Variants in PRKG1 observed in about 807,000 individuals in gnomAD.
PRKG1 encodes the protein protein kinase cGMP-dependent 1, also known as cGMP-dependent protein kinase 1.
Under a neutral mutation model 88.1 loss-of-function variants are expected in PRKG1, and 35 were observed. That is an observed-to-expected ratio of 0.40 (90% CI 0.30 to 0.53). PRKG1 has a LOEUF of 0.53. Among genes scored for constraint, PRKG1 ranks in the 20% least tolerant of loss-of-function variants. The pLI is 0.59. For missense variants in PRKG1, 540 were observed against 839.8 expected, an observed-to-expected ratio of 0.64 and a Z score of 4.41; for synonymous variants, 303 against 292.5, an observed-to-expected ratio of 1.04 and a Z score of -0.37.
At chr10:52,221,612 C>T (rs1020246031) in intron 9 of PRKG1, among the ~76,000 whole-genome samples, 1 of 151,776 alleles carries the variant, frequency 6.6e-6, no homozygotes, top group Admixed American at 6.6e-5. Flanking sequence ...TAAAGTAATC[C>T]AAGAATTCAT....
At chr10:51,935,141 T>C (rs1842775391) in intron 5 of PRKG1, among the ~76,000 whole-genome samples, 1 of 152,136 alleles carries the variant, frequency 6.6e-6, no homozygotes, top group South Asian at 2.1e-4. Context: ...CTGGAAATCT[T>C]TGTCTTATTC....
intron 3 of PRKG1, among the ~76,000 whole-genome samples, chr10:51,625,138 C>G (rs1221231553): frequency 6.6e-6 from 1 of 152,080 alleles, no homozygotes; most frequent in Non-Finnish European, 1.5e-5. Context: ...ACTATGTGTA[C>G]ACGCATTGAG....
intron 10 of PRKG1, among the ~76,000 whole-genome samples, chr10:52,253,937 A>G (rs1314453005): frequency 6.6e-6 from 1 of 151,830 alleles, no homozygotes; most frequent in African/African-American, 2.4e-5. Flanking sequence ...GTAGACAATC[A>G]GAATGCCTAT....
chr10:51,346,808 A>G (rs1285624095), intron 2 of PRKG1, among the ~76,000 whole-genome samples: 1 of 152,214 alleles, frequency 6.6e-6, no homozygotes, highest in Admixed American at 6.5e-5. Context: ...CATTGGAAGT[A>G]TTATAGAATA....
intron 3 of PRKG1, among the ~76,000 whole-genome samples, chr10:51,581,608 C>G (rs1423969698): frequency 1.3e-5 from 2 of 152,144 alleles, no homozygotes; most frequent in Non-Finnish European, 2.9e-5. Flanking sequence ...CATTCATAGG[C>G]TCTCTGTAGG....
At chr10:51,097,949 G>A (rs201071479) in intron 1 of PRKG1, among the ~76,000 whole-genome samples, 2 of 151,898 alleles carry the variant, frequency 1.3e-5, no homozygotes, top group African/African-American at 2.4e-5. Context: ...CAGTTAACTG[G>A]AAAAAAACTA....
At chr10:51,453,284 G>C (rs1839491569) in intron 2 of PRKG1, among the ~76,000 whole-genome samples, 1 of 151,626 alleles carries the variant, frequency 6.6e-6, no homozygotes, top group Non-Finnish European at 1.5e-5. Context: ...TGTTGTTTTT[G>C]TTGTTGTTCA....
In PRKG1 at chr10:52,218,073, G is replaced by A. The variant is rs551243424; in HGVS notation, c.1077-33497G>A. 3.3e-3 allele frequency among the ~76,000 whole-genome samples: 503 copies of A among 151,890 alleles called. 2 individuals carry two copies. Among genetic ancestry groups the A allele is most frequent in the African/African-American group, 0.011 (470 of 41,428 alleles). ...CTAAAAATACAAAAATTAGCTGGGC[G>A]TGGTGGCACACGTCTGTAATCCCAG... On this transcript the variant is annotated intron_variant, in intron 9 of 17. Transcript: ENST00000373980.
At chr10:51,991,973 T>G (rs1215048245) in intron 5 of PRKG1, among the ~76,000 whole-genome samples, 1 of 152,200 alleles carries the variant, frequency 6.6e-6, no homozygotes, top group African/African-American at 2.4e-5. Context: ...ATTATTGTAT[T>G]GGATGGTATA....
At chr10:51,117,938 C>G (rs541519721) in intron 1 of PRKG1, among the ~76,000 whole-genome samples, 1 of 152,274 alleles carries the variant, frequency 6.6e-6, no homozygotes, top group South Asian at 2.1e-4. Context: ...ACTGCTCTAA[C>G]TTTTGTGGCA....
chr10:51,163,777 G>A (rs867369128), intron 2 of PRKG1, among the ~76,000 whole-genome samples: 3 of 152,200 alleles, frequency 2.0e-5, no homozygotes, highest in African/African-American at 4.8e-5. Flanking sequence ...CTACGCCCAC[G>A]GAGTCTCGCT....
In PRKG1 at chr10:52,280,718, GA is replaced by G. The variant is rs144482504; in HGVS notation, c.1404-61del. 4.4e-3 allele frequency: 6,120 copies of G among 1,383,536 alleles called. 70 individuals are homozygous for G. In the African/African-American group the frequency reaches 0.046, roughly 10 times the overall value. The allele number at this position is 1,383,536 out of a possible 1,614,324, so 85.7% of individuals were successfully genotyped here. A position where few individuals can be genotyped will look rare whatever the true frequency, so the allele number is the denominator to read the frequency against. ...TTGGCAAAGGAATATAGTGAAATGA[GA>G]AAAAAAAAATAAAGCCATATTACAG... is the stretch of plus-strand genomic sequence containing the variant. On this transcript the variant is annotated intron_variant, in intron 12 of 17. Transcript: ENST00000373980.
chr10:51,461,989 C>T (rs1302543818), intron 2 of PRKG1, among the ~76,000 whole-genome samples: 1 of 152,214 alleles, frequency 6.6e-6, no homozygotes, highest in East Asian at 1.9e-4. Flanking sequence ...TGAACCCCAT[C>T]TCCCAAAGGA....
chr10:51,807,738 T>A (rs1292579523), intron 4 of PRKG1, among the ~76,000 whole-genome samples: 1 of 152,202 alleles, frequency 6.6e-6, no homozygotes, highest in African/African-American at 2.4e-5. Flanking sequence ...AATTTCTGCA[T>A]GACAGCTGTC....
chr10:51,959,726 C>G (rs1041728336), intron 5 of PRKG1, among the ~76,000 whole-genome samples: 1 of 151,974 alleles, frequency 6.6e-6, no homozygotes, highest in African/African-American at 2.4e-5. Context: ...GATGAAATGT[C>G]AGAGGTGAAG....
intron 9 of PRKG1, among the ~76,000 whole-genome samples, chr10:52,204,738 T>C (rs1839770387): frequency 1.3e-5 from 2 of 152,140 alleles, no homozygotes; most frequent in Non-Finnish European, 2.9e-5. Flanking sequence ...CATGCACAAA[T>C]TGTGCACGCA....
chr10:51,468,970 G>A (rs547720714), intron 3 of PRKG1, among the ~76,000 whole-genome samples: 48 of 151,784 alleles, frequency 3.2e-4, no homozygotes, highest in African/African-American at 9.9e-4. Flanking sequence ...TTGCAAATGG[G>A]CCCCTTTTAG....
chr10:52,189,359 C>T (rs1839304518), intron 9 of PRKG1, among the ~76,000 whole-genome samples: 1 of 152,160 alleles, frequency 6.6e-6, no homozygotes, highest in African/African-American at 2.4e-5. Flanking sequence ...GAGTTCCACT[C>T]ATTCATCCCA....
chr10:52,274,784 T>TTACATTCCCTCCAGTAGTG (rs1454541162), intron 12 of PRKG1, among the ~76,000 whole-genome samples: 9 of 152,218 alleles, frequency 5.9e-5, no homozygotes, highest in Non-Finnish European at 1.2e-4. Flanking sequence ...CTGTACTAGT[T>TTACATTCCCTCCAGTAGTG]TACATTCCCT....
Sources: allele counts gnomAD v4.1 joint callset (sites outside exome capture counted in the v4.1 genomes callset), GRCh38; gene constraint gnomAD v4.1.1; transcripts MANE v1.5; gene names NCBI Gene and HGNC (gene_info 2026-07-23, HGNC 2026-07-21).